ANP32A: variants seen among roughly 807,000 people sequenced by gnomAD.
ANP32A encodes acidic leucine-rich nuclear phosphoprotein 32 family member A.
In ANP32A, 1 loss-of-function variant was observed where a neutral mutation model predicts 33.9. That is an observed-to-expected ratio of 0.03 (90% CI 0.01 to 0.14). ANP32A has a LOEUF of 0.14. ANP32A is among the 10% of genes least tolerant of loss of function. The pLI is 1.00. For missense variants in ANP32A, 155 were observed against 306.0 expected (o/e 0.51, Z 3.68); for synonymous variants, 115 against 120.5 (o/e 0.95, Z 0.30).
At chr15:68,800,149 A>G (rs1053692580) in intron 1 of ANP32A, among the ~76,000 whole-genome samples, 3 of 152,188 alleles carry the variant, frequency 2.0e-5, no homozygotes, top group Admixed American at 6.5e-5. Flanking sequence ...ATAATATTGT[A>G]TGATAAAGCC....
At chr15:68,782,858 A>G (rs1270051159) in intron 5 of ANP32A, 98 bp downstream of exon 5, 1 of 1,509,070 alleles carries the variant, frequency 6.6e-7, no homozygotes, top group East Asian at 2.5e-5. Context: ...CGACTTTCCT[A>G]ACCAGGGCTC....
chr15:68,780,882 G>T lies in ANP32A; in HGVS notation c.625-409C>A. 1 of 163,242 alleles carries T rather than the reference G, an allele frequency of 6.1e-6. No individual in the cohort carries two copies. The highest frequency in any genetic ancestry group is 1.3e-5 in the Non-Finnish European group (1 of 74,558). 10.1% of individuals were successfully genotyped at this position (163,242 alleles called of 1,614,324 possible). A position where few individuals can be genotyped will look rare whatever the true frequency, so the allele number is the denominator to read the frequency against. ...AAGTAGGCCATCCTTTCTTGCATCTGTCCTCAATCTAGTTTTGGCTTCAAG... is the reference window on the plus strand; with the variant it reads ...AAGTAGGCCATCCTTTCTTGCATCTTTCCTCAATCTAGTTTTGGCTTCAAG... On this transcript the variant is annotated intron_variant, in intron 5 of 6. Transcript: ENST00000465139. The surrounding 1 kb of genome is among the most constrained non-coding windows in gnomAD (Gnocchi z 4.3).
At chr15:68,791,711 C>T (rs1893999967) in intron 1 of ANP32A, 1 of 152,690 alleles carries the variant, frequency 6.5e-6, no homozygotes, top group South Asian at 2.1e-4. Flanking sequence ...CATTTCCTCC[C>T]TGGTTGGTTT....
At position 68,778,702 on chromosome 15, in the gene ANP32A, G is replaced by A. The variant is rs1358055958; in HGVS notation, c.*1379C>T. The A allele has an allele frequency of 6.6e-6, 1 of 152,064 alleles. No individual in the cohort carries two copies. The highest frequency in any genetic ancestry group is 1.5e-5 in the Non-Finnish European group (1 of 68,032). 9.4% of individuals were successfully genotyped at this position (152,064 alleles called of 1,614,324 possible). A position where few individuals can be genotyped will look rare whatever the true frequency, so the allele number is the denominator to read the frequency against. ...TAGTAACTCTGTAACTTTTTTAAAG[G>A]AAGCTTTTAATGAAGATACACCACT... On this transcript the variant is annotated 3_prime_UTR_variant, in exon 7 of 7. Coordinates refer to ENST00000465139, the MANE Select transcript of ANP32A (RefSeq NM_006305.4).
intron 4 of ANP32A, among the ~76,000 whole-genome samples, chr15:68,783,896 G>T (rs1408001631): frequency 1.3e-5 from 2 of 152,126 alleles, no homozygotes; most frequent in Non-Finnish European, 2.9e-5. Flanking sequence ...AACCCCTCTA[G>T]CTCTGGACCT....
chr15:68,806,122 T>A (rs1894218922), intron 1 of ANP32A, among the ~76,000 whole-genome samples: 1 of 152,158 alleles, frequency 6.6e-6, no homozygotes, highest in South Asian at 2.1e-4. Flanking sequence ...ACCACCCCCA[T>A]AACTCTGGTT....
chr15:68,811,761 A>G (rs780615790), intron 1 of ANP32A, among the ~76,000 whole-genome samples: 4 of 152,126 alleles, frequency 2.6e-5, no homozygotes, highest in Non-Finnish European at 4.4e-5. Context: ...TTTGAGACCG[A>G]GTTTCGCTCG....
intron 1 of ANP32A, among the ~76,000 whole-genome samples, chr15:68,816,781 G>A (rs907406398): frequency 6.6e-6 from 1 of 152,088 alleles, no homozygotes; most frequent in Non-Finnish European, 1.5e-5. Flanking sequence ...TCAAACCCAG[G>A]TCTGTGTAAT....
chr15:68,784,262 CCAGA>C (rs1450001783), intron 4 of ANP32A, 131 bp downstream of exon 4: 10 of 996,152 alleles, frequency 1.0e-5, no homozygotes, highest in East Asian at 2.6e-5. Context: ...GTGGTAGCTA[CCAGA>C]CAGACAGCCA....
At chr15:68,810,514 G>A (rs980201192) in intron 1 of ANP32A, among the ~76,000 whole-genome samples, 2 of 152,136 alleles carry the variant, frequency 1.3e-5, no homozygotes, top group African/African-American at 4.8e-5. Flanking sequence ...GAGACATCAG[G>A]TGGGTCTCAA....
In ANP32A at chr15:68,791,234, C is replaced by T. The variant is rs1893994188; in HGVS notation, c.55-3315G>A. 2.6e-5 allele frequency: 4 copies of T among 152,362 alleles called. No individual in the cohort carries two copies. The South Asian group carries it at 8.3e-4, about 32-fold the overall frequency. 9.4% of individuals were successfully genotyped at this position (152,362 alleles called of 1,614,324 possible). A position where few individuals can be genotyped will look rare whatever the true frequency, so the allele number is the denominator to read the frequency against. ...CATTTCTTCATGGCTGTCTATTCTT[C>T]ATCAAACCTAAGTATAAAAATAGGC... On this transcript the variant is annotated intron_variant, in intron 1 of 6. Coordinates refer to ENST00000465139, the MANE Select transcript of ANP32A (RefSeq NM_006305.4).
intron 1 of ANP32A, among the ~76,000 whole-genome samples, chr15:68,796,012 T>C (rs1478517124): frequency 1.3e-5 from 2 of 152,110 alleles, no homozygotes; most frequent in Non-Finnish European, 2.9e-5. Context: ...GGATGGGAGC[T>C]GCAGTGTGGA....
intron 1 of ANP32A, chr15:68,789,115 G>A (rs1893968796): frequency 6.6e-6 from 1 of 152,276 alleles, no homozygotes; most frequent in African/African-American, 2.4e-5. Context: ...CAGCTTCTGG[G>A]AAACCCGGCC....
intron 1 of ANP32A, chr15:68,817,298 G>C (rs1483834056): frequency 6.6e-6 from 1 of 152,276 alleles, no homozygotes; most frequent in African/African-American, 2.4e-5. Context: ...AATAAAAGGG[G>C]GAAGGAGCAG....
At chr15:68,810,976 C>T (rs1264236676) in intron 1 of ANP32A, among the ~76,000 whole-genome samples, 2 of 148,986 alleles carry the variant, frequency 1.3e-5, no homozygotes, top group Non-Finnish European at 3.0e-5. Flanking sequence ...ACGAGAATCG[C>T]TTGAACCCAG....
At chr15:68,817,032 C>T (rs1894391557) in intron 1 of ANP32A, among the ~76,000 whole-genome samples, 1 of 152,240 alleles carries the variant, frequency 6.6e-6, no homozygotes. Context: ...CCAAGGCAGC[C>T]TCTGCTGGAC....
chr15:68,803,280 C>A (rs577875048), intron 1 of ANP32A, among the ~76,000 whole-genome samples: 1 of 152,278 alleles, frequency 6.6e-6, no homozygotes, highest in South Asian at 2.1e-4. Flanking sequence ...AAGCAAGGAC[C>A]ACACAAAGCT....
At chr15:68,782,658 G>A (rs958332095) in intron 5 of ANP32A, 56 of 389,744 alleles carry the variant, frequency 1.4e-4, no homozygotes, top group African/African-American at 9.5e-4. Flanking sequence ...AGAAAATGGG[G>A]CCATGCATTC....
intron 4 of ANP32A, 58 bp from the exon 5 acceptor site, chr15:68,783,111 C>A (rs1893890560): frequency 1.9e-6 from 3 of 1,547,446 alleles, no homozygotes; most frequent in African/African-American, 1.4e-5. Context: ...CTCCGCCCCC[C>A]ACACAGCACA....
Sources: gnomAD v4.1 joint callset for allele counts (sites outside exome capture counted in the v4.1 genomes callset) on GRCh38, gnomAD v4.1.1 for gene constraint, Gnocchi (gnomAD v3.1) non-coding constraint, MANE v1.5 for transcripts, NCBI Gene and HGNC (gene_info 2026-07-23, HGNC 2026-07-21) for gene names.